Variants in CFDP1 observed in about 807,000 individuals in gnomAD.
The protein encoded by CFDP1 is heterochromatin-stabilizing protein CFDP1.
Under a neutral mutation model 40.1 loss-of-function variants are expected in CFDP1, and 31 were observed. The ratio of observed to expected loss-of-function variants is 0.77; its 90% confidence interval spans 0.58 to 1.04. The LOEUF is 1.04. CFDP1 is among the 50% of genes least tolerant of loss of function. The pLI, the probability that CFDP1 is intolerant of heterozygous loss-of-function variation, is 0.00. For missense variants in CFDP1, 423 were observed against 343.4 expected, an observed-to-expected ratio of 1.23 and a Z score of -1.83; for synonymous variants, 167 against 120.0, an observed-to-expected ratio of 1.39 and a Z score of -2.56.
At chr16:75,369,976 GT>G in intron 5 of CFDP1, among the ~76,000 whole-genome samples, 1 of 152,220 alleles carries the variant, frequency 6.6e-6, no homozygotes, top group African/African-American at 2.4e-5. Flanking sequence ...GTTTCACCAT[GT>G]CGTCCAGGCT....
At position 75,376,068 on chromosome 16, in the gene CFDP1, A is replaced by T. The variant is rs149505124; in HGVS notation, c.650+19022T>A. On this transcript the variant is annotated intron_variant, in intron 5 of 6. Transcript: ENST00000283882. Reference sequence around the variant, plus strand: ...TCTACAAAAAAATTAAAAATTAGCCAGACATAGTGGTGTGCACCTGTAGTC... The same window carrying T: ...TCTACAAAAAAATTAAAAATTAGCCTGACATAGTGGTGTGCACCTGTAGTC... Among the ~76,000 whole-genome samples the T allele has an allele frequency of 3.4e-3, 513 of 152,220 alleles. 2 individuals carry two copies. The highest frequency in any genetic ancestry group is 0.01 in the African/African-American group (434 of 41,542).
chr16:75,393,737 C>CAAAAAAAAAAAAAA (rs61344775), intron 5 of CFDP1, among the ~76,000 whole-genome samples: 2 of 80,620 alleles, frequency 2.5e-5, no homozygotes, highest in African/African-American at 1.2e-4. Context: ...GACTCCGTCG[C>CAAAAAAAAAAAAAA]AAAAAAAAAA....
rs2078560944 is a variant in CFDP1 at position 75,346,027 on chromosome 16, G to A, written c.651-40845C>T. Among the ~76,000 whole-genome samples, 3 of 152,208 alleles carry A rather than the reference G, an allele frequency of 2.0e-5. No individual in the cohort carries two copies. In the South Asian group the frequency reaches 6.2e-4, roughly 31 times the overall value. ...CATGTGAAGTGAAAAAGAATTGGAT[G>A]GTAGTGTGAGCAACACGGAACAATG... is the stretch of plus-strand genomic sequence containing the variant. On this transcript the variant is annotated intron_variant, in intron 5 of 6. Transcript: ENST00000283882.
At chr16:75,326,511 C>CCATG (rs1267082415) in intron 5 of CFDP1, among the ~76,000 whole-genome samples, 1 of 152,214 alleles carries the variant, frequency 6.6e-6, no homozygotes, top group Non-Finnish European at 1.5e-5. Context: ...TCACATCCTG[C>CCATG]CATGGCAAGG....
intron 1 of CFDP1, among the ~76,000 whole-genome samples, chr16:75,429,997 C>T (rs1219739786): frequency 6.6e-6 from 1 of 152,134 alleles, no homozygotes; most frequent in Non-Finnish European, 1.5e-5. Flanking sequence ...CAATCAAATA[C>T]ATTTGAGAAA....
intron 1 of CFDP1, among the ~76,000 whole-genome samples, chr16:75,419,428 C>T (rs1180262277): frequency 6.6e-6 from 1 of 152,016 alleles, no homozygotes; most frequent in Non-Finnish European, 1.5e-5. Flanking sequence ...ACAGAAGAAC[C>T]ACAGAATTAG....
intron 6 of CFDP1, among the ~76,000 whole-genome samples, chr16:75,294,986 C>G (rs1010294953): frequency 6.6e-6 from 1 of 152,122 alleles, no homozygotes; most frequent in Non-Finnish European, 1.5e-5. Flanking sequence ...TTTGCCTGGG[C>G]GGAGGAGATC....
intron 5 of CFDP1, among the ~76,000 whole-genome samples, chr16:75,342,633 G>C (rs2078534840): frequency 6.6e-6 from 1 of 151,976 alleles, no homozygotes; most frequent in African/African-American, 2.4e-5. Context: ...GCATACTACA[G>C]CGGAAAAAAA....
chr16:75,300,132 A>C (rs2078212103), intron 6 of CFDP1, among the ~76,000 whole-genome samples: 2 of 152,138 alleles, frequency 1.3e-5, no homozygotes, highest in African/African-American at 2.4e-5. Flanking sequence ...AAGGGTACAG[A>C]GGTAGAAGCA....
intron 6 of CFDP1, among the ~76,000 whole-genome samples, chr16:75,299,299 C>T (rs1460362618): frequency 6.6e-6 from 1 of 152,062 alleles, no homozygotes; most frequent in Admixed American, 6.5e-5. Context: ...TAATTCTAAT[C>T]CTACTTGGCC....
chr16:75,401,099 G>A (rs1736138716), intron 4 of CFDP1, among the ~76,000 whole-genome samples: 1 of 151,606 alleles, frequency 6.6e-6, no homozygotes, highest in South Asian at 2.1e-4. Context: ...TTCCAGACCA[G>A]CCTGGCAACA....
At chr16:75,311,538 A>G (rs1329178089) in intron 5 of CFDP1, among the ~76,000 whole-genome samples, 1 of 152,202 alleles carries the variant, frequency 6.6e-6, no homozygotes, top group Non-Finnish European at 1.5e-5. Flanking sequence ...TTGAACTGAC[A>G]GACCAGTACC....
At chr16:75,365,335 A>G (rs2078706272) in intron 5 of CFDP1, among the ~76,000 whole-genome samples, 1 of 152,228 alleles carries the variant, frequency 6.6e-6, no homozygotes, top group Non-Finnish European at 1.5e-5. Context: ...AATACATAGA[A>G]AACTCTTGCC....
At chr16:75,382,054 G>A (rs1412987386) in intron 5 of CFDP1, among the ~76,000 whole-genome samples, 3 of 151,316 alleles carry the variant, frequency 2.0e-5, no homozygotes, top group African/African-American at 7.3e-5. Context: ...TGCAGAGGTT[G>A]TAGTGAGCTG....
chr16:75,417,906 T>C (rs1489399887), intron 1 of CFDP1, among the ~76,000 whole-genome samples: 1 of 152,036 alleles, frequency 6.6e-6, no homozygotes, highest in African/African-American at 2.4e-5. Context: ...AGCAAGTAAT[T>C]AATCACGTTA....
At chr16:75,308,010 C>G (rs2078270063) in intron 5 of CFDP1, among the ~76,000 whole-genome samples, 1 of 152,340 alleles carries the variant, frequency 6.6e-6, no homozygotes, top group Non-Finnish European at 1.5e-5. Context: ...TCAGCTGCAG[C>G]TGCACTAGAT....
At chr16:75,419,487 G>T (rs558894578) in intron 1 of CFDP1, among the ~76,000 whole-genome samples, 2 of 152,288 alleles carry the variant, frequency 1.3e-5, no homozygotes, top group East Asian at 3.9e-4. Context: ...TTAGGCAAGG[G>T]TTATTAAGTA....
At chr16:75,334,687 G>C (rs1420558462) in intron 5 of CFDP1, among the ~76,000 whole-genome samples, 1 of 152,176 alleles carries the variant, frequency 6.6e-6, no homozygotes, top group African/African-American at 2.4e-5. Context: ...AGGTGCAGTG[G>C]CTCACATCTG....
intron 5 of CFDP1, among the ~76,000 whole-genome samples, chr16:75,331,669 G>A (rs902066993): frequency 2.6e-5 from 4 of 151,858 alleles, no homozygotes; most frequent in African/African-American, 7.3e-5. Context: ...TTTCTTTCAT[G>A]CAGCACAATG....
Sources: gnomAD v4.1 joint callset for allele counts (sites outside exome capture counted in the v4.1 genomes callset) on GRCh38, gnomAD v4.1.1 for gene constraint, MANE v1.5 for transcripts, NCBI Gene and HGNC (gene_info 2026-07-23, HGNC 2026-07-21) for gene names.